The following LIMS1 variants were observed in gnomAD, a reference collection of about 807,000 sequenced individuals.
LIMS1 encodes LIM and senescent cell antigen-like-containing domain protein 1.
Under a neutral mutation model 44.1 loss-of-function variants are expected in LIMS1, and 18 were observed. The observed-to-expected ratio is 0.41, with a 90% confidence interval of 0.28 to 0.61. LIMS1 has a LOEUF of 0.61. Ranked by LOEUF, LIMS1 falls within the 20% of genes least tolerant of loss-of-function variation. The pLI is 0.32. For synonymous variants in LIMS1, 93 were observed against 149.1 expected (o/e 0.62, Z 2.74); for missense variants, 201 against 422.0 (o/e 0.48, Z 4.59).
chr2:108,539,245 G>A lies in LIMS1; in HGVS notation c.32+4651G>A, dbSNP rs564520469. On this transcript the variant is annotated intron_variant, in intron 1 of 9. Coordinates refer to ENST00000544547, the Ensembl canonical transcript of LIMS1. ...ACAACAGGTACATGCCACTATGCCC[G>A]GCTAATATTTTGTATTTTTTGTAGT... 4.6e-5 allele frequency among the ~76,000 whole-genome samples: 7 copies of A among 152,192 alleles called. No individual in the cohort carries two copies. In the East Asian group the frequency reaches 7.7e-4, roughly 17 times the overall value.
At chr2:108,674,180 A>G (rs1378505848) in intron 5 of LIMS1, among the ~76,000 whole-genome samples, 1 of 150,704 alleles carries the variant, frequency 6.6e-6, no homozygotes, top group Non-Finnish European at 1.5e-5. Flanking sequence ...TACAAAAAAA[A>G]TTAGCCGGGC....
intron 1 of LIMS1, among the ~76,000 whole-genome samples, chr2:108,642,057 A>G (rs926269810): frequency 6.6e-6 from 1 of 152,086 alleles, no homozygotes; most frequent in African/African-American, 2.4e-5. Flanking sequence ...CAGTTCAAAT[A>G]CCCCATTATG....
intron 1 of LIMS1, among the ~76,000 whole-genome samples, chr2:108,588,873 A>G (rs1435910758): frequency 6.6e-6 from 1 of 152,176 alleles, no homozygotes; most frequent in Non-Finnish European, 1.5e-5. Flanking sequence ...ATTGGTTTCA[A>G]AGTAGGGTGG....
intron 1 of LIMS1, among the ~76,000 whole-genome samples, chr2:108,636,114 G>A (rs975275457): frequency 6.6e-6 from 1 of 152,222 alleles, no homozygotes; most frequent in Non-Finnish European, 1.5e-5. Context: ...CCGCTGTAAG[G>A]AGCAGCCACG....
chr2:108,545,423 C>T (rs944149677), intron 1 of LIMS1, among the ~76,000 whole-genome samples: 1 of 152,100 alleles, frequency 6.6e-6, no homozygotes, highest in Non-Finnish European at 1.5e-5. Context: ...TTAGTAGAGA[C>T]GCGGTTTCAC....
At chr2:108,622,887 A>G (rs1299351915) in intron 1 of LIMS1, among the ~76,000 whole-genome samples, 1 of 152,116 alleles carries the variant, frequency 6.6e-6, no homozygotes, top group African/African-American at 2.4e-5. Context: ...ATTTTCAGAC[A>G]ATAGCCAAAG....
chr2:108,586,163 G>T (rs558633436), intron 1 of LIMS1, among the ~76,000 whole-genome samples: 1 of 152,182 alleles, frequency 6.6e-6, no homozygotes, highest in Admixed American at 6.5e-5. Flanking sequence ...CTGCACTCCA[G>T]CCTGGACGAC....
chr2:108,584,766 A>T (rs568304691), intron 1 of LIMS1, among the ~76,000 whole-genome samples: 1 of 152,150 alleles, frequency 6.6e-6, no homozygotes, highest in East Asian at 1.9e-4. Context: ...CAGCATGGAG[A>T]TGAGGGCCTG....
chr2:108,659,358 A>G (rs1296835332), intron 1 of LIMS1, among the ~76,000 whole-genome samples: 1 of 151,968 alleles, frequency 6.6e-6, no homozygotes, highest in Non-Finnish European at 1.5e-5. Context: ...ATTCAGCAAG[A>G]AGAATGCCAA....
intron 1 of LIMS1, among the ~76,000 whole-genome samples, chr2:108,572,969 A>G (rs1374218275): frequency 6.6e-6 from 1 of 152,216 alleles, no homozygotes; most frequent in African/African-American, 2.4e-5. Context: ...CCTGGGCCAC[A>G]TCAGACTGAG....
At chr2:108,643,085 T>C (rs796076869) in intron 1 of LIMS1, among the ~76,000 whole-genome samples, 14 of 152,332 alleles carry the variant, frequency 9.2e-5, no homozygotes, top group African/African-American at 3.4e-4. Context: ...CACTCTGCTC[T>C]GGGTGGATTT....
At chr2:108,615,066 G>A (rs767518908) in intron 1 of LIMS1, among the ~76,000 whole-genome samples, 1 of 151,244 alleles carries the variant, frequency 6.6e-6, no homozygotes, top group Non-Finnish European at 1.5e-5. Flanking sequence ...ATATAGATAC[G>A]CTAGAATCTA....
chr2:108,584,773 C>T (rs1686026756), intron 1 of LIMS1, among the ~76,000 whole-genome samples: 1 of 151,922 alleles, frequency 6.6e-6, no homozygotes, highest in South Asian at 2.1e-4. Flanking sequence ...GAGATGAGGG[C>T]CTGTGTGGTA....
intron 1 of LIMS1, among the ~76,000 whole-genome samples, chr2:108,545,682 C>T (rs560707701): frequency 6.6e-6 from 1 of 152,154 alleles, no homozygotes; most frequent in Admixed American, 6.6e-5. Context: ...CTTGTTTGAT[C>T]TTAAGGGCTC....
intron 1 of LIMS1, among the ~76,000 whole-genome samples, chr2:108,555,589 AG>A: frequency 6.6e-6 from 1 of 152,312 alleles, no homozygotes; most frequent in South Asian, 2.1e-4. Context: ...CTCTTGTGAA[AG>A]GCCTACATTC....
chr2:108,556,942 T>A (rs1684942555), intron 1 of LIMS1, among the ~76,000 whole-genome samples: 1 of 152,230 alleles, frequency 6.6e-6, no homozygotes. Context: ...CAGGGCTGCC[T>A]TTGCTCACTA....
At chr2:108,665,742 T>C (rs920559577) in intron 2 of LIMS1, among the ~76,000 whole-genome samples, 63 of 151,892 alleles carry the variant, frequency 4.1e-4, no homozygotes, top group Non-Finnish European at 7.2e-4. Context: ...GTCAGGCTGG[T>C]ATCGAACTCC....
intron 3 of LIMS1, among the ~76,000 whole-genome samples, chr2:108,671,164 A>G (rs1430090504): frequency 2.6e-5 from 4 of 152,002 alleles, no homozygotes; most frequent in South Asian, 2.1e-4. Context: ...GCAAAACTCC[A>G]TCTTGCGGGG....
chr2:108,557,705 G>A (rs1474666308), intron 1 of LIMS1, among the ~76,000 whole-genome samples: 1 of 151,942 alleles, frequency 6.6e-6, no homozygotes, highest in Non-Finnish European at 1.5e-5. Context: ...TGATAGAGAT[G>A]GGGTTTCACC....
Sources: gnomAD v4.1 joint callset for allele counts (sites outside exome capture counted in the v4.1 genomes callset) on GRCh38, gnomAD v4.1.1 for gene constraint, MANE v1.5 for transcripts, NCBI Gene and HGNC (gene_info 2026-07-23, HGNC 2026-07-21) for gene names.